Variants in DSCAML1 observed in about 807,000 individuals in gnomAD.
DSCAML1 encodes the protein DS cell adhesion molecule like 1, also known as cell adhesion molecule DSCAML1.
Under a neutral mutation model 200.5 loss-of-function variants are expected in DSCAML1, and 38 were observed. The ratio of observed to expected loss-of-function variants is 0.19; its 90% CI spans 0.15 to 0.25. The LOEUF (loss-of-function observed/expected upper bound fraction) is 0.25, where lower values mean the gene tolerates loss of function less well. DSCAML1 is among the 10% of genes least tolerant of loss of function. The pLI is 1.00. For missense variants in DSCAML1, 2,223 were observed against 2,858.8 expected, an observed-to-expected ratio of 0.78 and a Z score of 5.07; for synonymous variants, 1,215 against 1,165.0, an observed-to-expected ratio of 1.04 and a Z score of -0.87.
At position 117,756,678 on chromosome 11, in the gene DSCAML1, A is replaced by G. The variant is rs563247184; in HGVS notation, c.511+20113T>C. On this transcript the variant is annotated intron_variant, in intron 3 of 32. Transcript: ENST00000651296. ...AAATTTAGGTAAAGGGCCAAGGGCT[A>G]CTAAAAGCCAGTGATCAGAAAGAGC... is the stretch of plus-strand genomic sequence containing the variant. Among the ~76,000 whole-genome samples the G allele has an allele frequency of 1.1e-4, 16 of 152,258 alleles. No individual in the cohort carries two copies. In the South Asian group the frequency reaches 3.1e-3, roughly 30 times the overall value.
intron 3 of DSCAML1, among the ~76,000 whole-genome samples, chr11:117,577,507 C>CCT (rs2050964368): frequency 6.2e-5 from 2 of 32,428 alleles, no homozygotes; most frequent in African/African-American, 1.9e-4. Context: ...CCTTCCTTCC[C>CCT]TCCTTCCTTC....
intron 8 of DSCAML1, among the ~76,000 whole-genome samples, chr11:117,508,375 T>C (rs1458013279): frequency 6.6e-6 from 1 of 152,028 alleles, no homozygotes; most frequent in Non-Finnish European, 1.5e-5. Flanking sequence ...AGTCCTTATA[T>C]AACTAGGACT....
intron 3 of DSCAML1, among the ~76,000 whole-genome samples, chr11:117,747,016 A>G (rs944359822): frequency 6.6e-6 from 1 of 152,054 alleles, no homozygotes; most frequent in Non-Finnish European, 1.5e-5. Flanking sequence ...TAAGTGGTAG[A>G]TGAATGAATG....
In DSCAML1 at chr11:117,505,390, G is replaced by T; in HGVS notation, c.2062+64C>A. 6.4e-7 allele frequency: 1 copy of T among 1,567,912 alleles called. No individual in the cohort carries two copies. The highest frequency in any genetic ancestry group is 8.6e-7 in the Non-Finnish European group (1 of 1,159,412). ...CCGTGATTGGAACTGGAAATCTAGA[G>T]ACTGCAGTAGCAGCAGGCAGAATGG... On this transcript the variant is annotated intron_variant, in intron 9 of 32. Transcript: ENST00000651296. The surrounding 1 kb of genome is among the most constrained non-coding windows in gnomAD (Gnocchi z 6.7).
At chr11:117,628,224 G>GCA (rs2052096929) in intron 3 of DSCAML1, among the ~76,000 whole-genome samples, 1 of 152,172 alleles carries the variant, frequency 6.6e-6, no homozygotes, top group African/African-American at 2.4e-5. Context: ...TTCCCTGCCA[G>GCA]CACACCAGCT....
chr11:117,574,851 C>A (rs1229348818), intron 3 of DSCAML1, among the ~76,000 whole-genome samples: 1 of 152,162 alleles, frequency 6.6e-6, no homozygotes, highest in Non-Finnish European at 1.5e-5. Context: ...GAAGGGGAGG[C>A]CTGGCCACAA....
Position 117,534,994 on chromosome 11 carries a change from G to T in DSCAML1, c.512-2472C>A, listed in dbSNP as rs146332988. 4.0e-5 allele frequency among the ~76,000 whole-genome samples: 6 copies of T among 150,912 alleles called. No homozygotes were observed. In the East Asian group the frequency reaches 1.2e-3, roughly 29 times the overall value. ...CTTTGGTTTATCTACAATTCCAATT[G>T]CCCCTCCCTCCCTCCTTTCTTTCCT... On this transcript the variant is annotated intron_variant, in intron 3 of 32. Coordinates refer to ENST00000651296, the MANE Select transcript of DSCAML1 (RefSeq NM_020693.4).
chr11:117,733,465 G>A (rs969395943), intron 3 of DSCAML1, among the ~76,000 whole-genome samples: 7 of 152,170 alleles, frequency 4.6e-5, no homozygotes, highest in Non-Finnish European at 1.0e-4. Context: ...TAGACTCAAG[G>A]TGGTGGCAGG....
intron 3 of DSCAML1, among the ~76,000 whole-genome samples, chr11:117,587,258 C>CCCT (rs200353768): frequency 6.8e-6 from 1 of 147,560 alleles, no homozygotes; most frequent in Non-Finnish European, 1.5e-5. Flanking sequence ...TTCCAACCCC[C>CCCT]CCCCACGATT....
intron 3 of DSCAML1, among the ~76,000 whole-genome samples, chr11:117,687,723 G>T (rs2053429243): frequency 6.6e-6 from 1 of 152,164 alleles, no homozygotes; most frequent in Non-Finnish European, 1.5e-5. Flanking sequence ...GAGGAAATCA[G>T]AGCTTAGAAG....
intron 3 of DSCAML1, among the ~76,000 whole-genome samples, chr11:117,721,407 C>A (rs374211266): frequency 6.6e-6 from 1 of 152,180 alleles, no homozygotes; most frequent in African/African-American, 2.4e-5. Flanking sequence ...CCCCCTCCCC[C>A]AACCTGGAAT....
Position 117,741,933 on chromosome 11 carries a change from T to C in DSCAML1, c.511+34858A>G, listed in dbSNP as rs184307729. Reference sequence around the variant, plus strand: ...AGGGGAAAGGAAAATTGGACCCTGGTGGCCAGCAGGTTTTGTGCCTACTGG... The same window carrying C: ...AGGGGAAAGGAAAATTGGACCCTGGCGGCCAGCAGGTTTTGTGCCTACTGG... On this transcript the variant is annotated intron_variant, in intron 3 of 32. Coordinates refer to ENST00000651296, the MANE Select transcript of DSCAML1 (RefSeq NM_020693.4). Among the ~76,000 whole-genome samples, 52 of 152,328 alleles carry C rather than the reference T, an allele frequency of 3.4e-4. 2 individuals carry two copies. In the East Asian group the frequency reaches 8.9e-3, roughly 26 times the overall value.
At chr11:117,616,102 T>A (rs1238693486) in intron 3 of DSCAML1, among the ~76,000 whole-genome samples, 1 of 152,078 alleles carries the variant, frequency 6.6e-6, no homozygotes, top group African/African-American at 2.4e-5. Context: ...AAGAAGGAGA[T>A]CTTGGGGTCA....
intron 3 of DSCAML1, among the ~76,000 whole-genome samples, chr11:117,733,080 AGAG>A (rs1297216539): frequency 2.0e-5 from 3 of 152,092 alleles, no homozygotes; most frequent in Non-Finnish European, 4.4e-5. Flanking sequence ...AACTGGCAGG[AGAG>A]GAGGACAGAG....
chr11:117,757,573 TACACACACACACACACACACACAC>T (rs5795104), intron 3 of DSCAML1, among the ~76,000 whole-genome samples: 19 of 146,904 alleles, frequency 1.3e-4, no homozygotes, highest in African/African-American at 4.0e-4. Flanking sequence ...TAGGAGCCTA[TACACACACACACACACACACACAC>T]ACACACACAC....
chr11:117,744,898 C>A (rs1283694303), intron 3 of DSCAML1, among the ~76,000 whole-genome samples: 7 of 152,252 alleles, frequency 4.6e-5, no homozygotes, highest in African/African-American at 9.6e-5. Context: ...CCTTCCCCTG[C>A]ATGCCAGGGC....
chr11:117,506,720 A>T (rs915296151), intron 8 of DSCAML1, among the ~76,000 whole-genome samples: 2 of 118,914 alleles, frequency 1.7e-5, no homozygotes, highest in Admixed American at 7.8e-5. Context: ...GCTAATTTTT[A>T]ATTTTTTTTA....
At chr11:117,466,891 ATC>A (rs2048590050) in intron 16 of DSCAML1, among the ~76,000 whole-genome samples, 1 of 152,196 alleles carries the variant, frequency 6.6e-6, no homozygotes, top group Non-Finnish European at 1.5e-5. Flanking sequence ...AGAAAAAAAG[ATC>A]CCTGACTTTC....
In DSCAML1 at chr11:117,742,313, C is replaced by T. The variant is rs147356822; in HGVS notation, c.511+34478G>A. 5.7e-3 allele frequency among the ~76,000 whole-genome samples: 872 copies of T among 152,300 alleles called. 5 individuals are homozygous for T. Among genetic ancestry groups the T allele is most frequent in the Middle Eastern group, 0.014 (4 of 294 alleles). On this transcript the variant is annotated intron_variant, in intron 3 of 32. Coordinates refer to ENST00000651296, the MANE Select transcript of DSCAML1 (RefSeq NM_020693.4). ...CTGAGGTCAAACCCAGAGCTCCTAACTCCCAATCTAGTGATGACAGGACAA... is the reference window on the plus strand; with the variant it reads ...CTGAGGTCAAACCCAGAGCTCCTAATTCCCAATCTAGTGATGACAGGACAA...
Sources: allele counts gnomAD v4.1 joint callset (sites outside exome capture counted in the v4.1 genomes callset), GRCh38; gene constraint gnomAD v4.1.1; non-coding constraint Gnocchi (gnomAD v3.1); transcripts MANE v1.5; gene names NCBI Gene and HGNC (gene_info 2026-07-23, HGNC 2026-07-21).